Variants in THRAP3 observed in about 807,000 individuals in gnomAD.
The protein encoded by THRAP3 is thyroid hormone receptor associated protein 3, also known as thyroid hormone receptor-associated protein 3.
Under a neutral mutation model 101.0 loss-of-function variants are expected in THRAP3, and 16 were observed. The ratio of observed to expected loss-of-function variants is 0.16; its 90% CI spans 0.11 to 0.24. The LOEUF is 0.24. THRAP3 is among the 10% of genes least tolerant of loss of function. THRAP3 has a pLI of 1.00. For missense variants in THRAP3, 989 were observed against 1,202.7 expected (o/e 0.82, Z 2.63); for synonymous variants, 407 against 422.6 (o/e 0.96, Z 0.45).
intron 1 of THRAP3, among the ~76,000 whole-genome samples, chr1:36,232,879 CTTT>C (rs11448026): frequency 7.2e-6 from 1 of 139,106 alleles, no homozygotes; most frequent in Non-Finnish European, 1.5e-5. Flanking sequence ...CGAACTGTAT[CTTT>C]TTTTTTTTTT....
At chr1:36,288,212 A>ACC (rs1645820015) in intron 4 of THRAP3, 5 of 855,378 alleles carry the variant, frequency 5.8e-6, no homozygotes, top group African/African-American at 1.8e-5. Context: ...GGTTACATGG[A>ACC]TAAGTTTGTT....
At chr1:36,224,328 A>T (rs751199486), upstream of THRAP3, 1 of 152,282 alleles carries the variant, frequency 6.6e-6, no homozygotes, top group African/African-American at 2.4e-5. Flanking sequence ...CGTAGTTCTG[A>T]TGGCAGCCAA....
rs950763010 is a variant in THRAP3, at chr1:36,305,052, C to T, written c.*1035C>T. Reference sequence around the variant, plus strand: ...TAACCTTAAGCTGTTTAAGTTGAAGCATTCTCAGATGTTTGGGGGGAAACA... The same window carrying T: ...TAACCTTAAGCTGTTTAAGTTGAAGTATTCTCAGATGTTTGGGGGGAAACA... On this transcript the variant is annotated 3_prime_UTR_variant, in exon 12 of 12. Coordinates refer to ENST00000354618, the MANE Select transcript of THRAP3 (RefSeq NM_005119.4). The T allele has an allele frequency of 3.4e-5, 7 of 206,668 alleles. No individual in the cohort carries two copies. The highest frequency in any genetic ancestry group is 1.6e-4 in the African/African-American group (7 of 43,436). The allele number at this position is 206,668 out of a possible 1,614,324, so 12.8% of individuals were successfully genotyped here. A position where few individuals can be genotyped will look rare whatever the true frequency, so the allele number is the denominator to read the frequency against.
At chr1:36,243,365 C>G (rs1319398401) in intron 1 of THRAP3, among the ~76,000 whole-genome samples, 1 of 151,394 alleles carries the variant, frequency 6.6e-6, no homozygotes, top group African/African-American at 2.4e-5. Context: ...TGTTTGTGTC[C>G]CTGGGTACTT....
Position 36,289,779 on chromosome 1 carries a change from T to G in THRAP3, c.1745+15T>G. On this transcript the variant is annotated intron_variant, in intron 5 of 11. Transcript: ENST00000354618. The stretch of plus-strand genomic sequence containing the variant: ...GACCTCGCACGGTGAGATATGCTCC[T>G]TCTTGATCCTCAGTGCTTTAGTGGC... 6.3e-7 allele frequency: 1 copy of G among 1,579,414 alleles called. No homozygotes were observed. The highest frequency in any genetic ancestry group is 8.6e-7 in the Non-Finnish European group (1 of 1,164,314).
At chr1:36,243,793 A>G (rs1645194989) in intron 1 of THRAP3, among the ~76,000 whole-genome samples, 1 of 7,754 alleles carries the variant, frequency 1.3e-4, no homozygotes, top group Non-Finnish European at 2.6e-4. Flanking sequence ...GGCGCCCCTC[A>G]CCTCCCGGAC....
intron 1 of THRAP3, among the ~76,000 whole-genome samples, chr1:36,236,794 C>A (rs1457956718): frequency 6.6e-6 from 1 of 152,202 alleles, no homozygotes; most frequent in Non-Finnish European, 1.5e-5. Flanking sequence ...AATGCTGTTA[C>A]CTCTATGCTG....
chr1:36,232,502 A>G (rs1200623624), intron 1 of THRAP3, among the ~76,000 whole-genome samples: 1 of 152,144 alleles, frequency 6.6e-6, no homozygotes, highest in East Asian at 1.9e-4. Flanking sequence ...ATATGACATG[A>G]TATTTATTTT....
In THRAP3 at chr1:36,266,160, G is replaced by GAAA. The variant is rs11446813; in HGVS notation, c.-32+6688_-32+6690dup. Among the ~76,000 whole-genome samples the GAAA allele has an allele frequency of 2.3e-3, 319 of 139,160 alleles. 3 individuals carry two copies. The highest frequency in any genetic ancestry group is 3.3e-3 in the Non-Finnish European group (217 of 65,630). The allele number at this position is 139,160 out of a possible 152,430, so 91.3% of individuals were successfully genotyped here. A position where few individuals can be genotyped will look rare whatever the true frequency, so the allele number is the denominator to read the frequency against. ...AGAGTAAGACTCATTCTCAAAAAAA[G>GAAA]AAAAAAAAAAAAAAGCCAAGCATTG... On this transcript the variant is annotated intron_variant, in intron 2 of 11. Transcript: ENST00000354618.
At chr1:36,297,115 A>G (rs931964339) in intron 9 of THRAP3, among the ~76,000 whole-genome samples, 21 of 152,328 alleles carry the variant, frequency 1.4e-4, no homozygotes, top group African/African-American at 4.8e-4. Context: ...TGTATTTTAG[A>G]AATGGCCCAA....
intron 2 of THRAP3, among the ~76,000 whole-genome samples, chr1:36,264,085 A>G (rs2124507332): frequency 6.6e-6 from 1 of 152,300 alleles, no homozygotes; most frequent in South Asian, 2.1e-4. Flanking sequence ...TTTGAGACGG[A>G]GTCTCGCTCT....
chr1:36,291,003 G>A (rs567575353), intron 5 of THRAP3, among the ~76,000 whole-genome samples: 2 of 152,122 alleles, frequency 1.3e-5, no homozygotes, highest in South Asian at 2.1e-4. Flanking sequence ...TTGAAATGGA[G>A]TCTTGAACTC....
At chr1:36,235,733 A>G (rs550792457) in intron 1 of THRAP3, among the ~76,000 whole-genome samples, 24 of 152,326 alleles carry the variant, frequency 1.6e-4, no homozygotes, top group East Asian at 7.7e-4. Context: ...AGGATTTCCT[A>G]TTGGACAGGT....
chr1:36,248,099 T>G (rs4551557), intron 1 of THRAP3, among the ~76,000 whole-genome samples: 1 of 152,042 alleles, frequency 6.6e-6, no homozygotes, highest in Non-Finnish European at 1.5e-5. Context: ...AAGCTGGTCT[T>G]GAACTCCAGA....
chr1:36,257,658 T>G (rs147862742), intron 1 of THRAP3, among the ~76,000 whole-genome samples: 8 of 152,294 alleles, frequency 5.3e-5, no homozygotes, highest in African/African-American at 1.9e-4. Context: ...TCAGATTTGC[T>G]TATTCACTCA....
chr1:36,268,723 AT>A (rs200374533), intron 2 of THRAP3, among the ~76,000 whole-genome samples: 13,088 of 143,268 alleles, frequency 0.091, 670 homozygotes, highest in Middle Eastern at 0.24. Flanking sequence ...ATATGAGTTA[AT>A]TTTTTTTTTT....
intron 3 of THRAP3, among the ~76,000 whole-genome samples, chr1:36,283,595 A>C (rs1332159524): frequency 2.0e-5 from 3 of 151,846 alleles, no homozygotes; most frequent in Non-Finnish European, 4.4e-5. Flanking sequence ...ATGATTTGTC[A>C]TGTTTGACAC....
intron 1 of THRAP3, among the ~76,000 whole-genome samples, chr1:36,244,305 A>C (rs932778974): frequency 2.0e-5 from 3 of 152,210 alleles, no homozygotes; most frequent in Non-Finnish European, 2.9e-5. Context: ...ATTTCTAATT[A>C]GGAAGTTTGG....
chr1:36,227,690 C>T (rs558837845), intron 1 of THRAP3, among the ~76,000 whole-genome samples: 2 of 152,032 alleles, frequency 1.3e-5, no homozygotes, highest in African/African-American at 4.8e-5. Flanking sequence ...GTTAAGAGAC[C>T]GAAGATGGTA....
Sources: gnomAD v4.1 joint callset for allele counts (sites outside exome capture counted in the v4.1 genomes callset) on GRCh38, gnomAD v4.1.1 for gene constraint, MANE v1.5 for transcripts, NCBI Gene and HGNC (gene_info 2026-07-23, HGNC 2026-07-21) for gene names.